NPHP4: variants seen among roughly 807,000 people sequenced by gnomAD.
NPHP4 encodes nephrocystin 4, also known as nephrocystin-4.
Under a neutral mutation model 155.8 loss-of-function variants are expected in NPHP4, and 151 were observed. The ratio of observed to expected loss-of-function variants is 0.97; its 90% CI spans 0.85 to 1.11. The LOEUF (loss-of-function observed/expected upper bound fraction) is 1.11, where lower values mean the gene tolerates loss of function less well. Ranked by LOEUF, NPHP4 falls within the 50% of genes least tolerant of loss-of-function variation. NPHP4 has a pLI of 0.00. For missense variants in NPHP4, 1,956 were observed against 1,925.7 expected (o/e 1.02, Z -0.29); for synonymous variants, 845 against 816.8 (o/e 1.03, Z -0.59).
intron 19 of NPHP4, among the ~76,000 whole-genome samples, chr1:5,878,119 C>T (rs1470892564): frequency 6.6e-6 from 1 of 152,204 alleles, no homozygotes; most frequent in East Asian, 1.9e-4. Flanking sequence ...GGCCTGGGTC[C>T]TTCCTCACTC....
intron 1 of NPHP4, among the ~76,000 whole-genome samples, chr1:5,991,812 G>T (rs559478258): frequency 1.3e-5 from 2 of 151,586 alleles, no homozygotes; most frequent in Admixed American, 1.3e-4. Flanking sequence ...GCGGCCAGGC[G>T]GGGTCCGCGG....
At chr1:5,934,145 T>C (rs1484113103) in intron 9 of NPHP4, among the ~76,000 whole-genome samples, 3 of 152,152 alleles carry the variant, frequency 2.0e-5, no homozygotes, top group Admixed American at 2.0e-4. Context: ...GCCACCTTGT[T>C]GAAGAGGACT....
chr1:5,945,184 G>A (rs1054495815), intron 9 of NPHP4, among the ~76,000 whole-genome samples: 2 of 152,206 alleles, frequency 1.3e-5, no homozygotes, highest in East Asian at 1.9e-4. Flanking sequence ...AGAGTGAGGC[G>A]CCAGCCCTCC....
At chr1:5,906,305 A>AC (rs1644911426) in intron 13 of NPHP4, among the ~76,000 whole-genome samples, 1 of 152,086 alleles carries the variant, frequency 6.6e-6, no homozygotes, top group East Asian at 1.9e-4. Flanking sequence ...CTCGTATTCC[A>AC]CCTCCACTCC....
rs1030614218 is a variant in NPHP4 at position 5,892,035 on chromosome 1, G to A, written c.2144-1007C>T. ...GGCGCTGGCCACAGCAGGAGCTCAC[G>A]GGGGCATCTTGGGGCAGAAAGGCAA... On this transcript the variant is annotated intron_variant, in intron 16 of 29. Transcript: ENST00000378156. The surrounding 1 kb of genome is among the most constrained non-coding windows in gnomAD (Gnocchi z 4.5). Among the ~76,000 whole-genome samples, 3 of 152,346 alleles carry A rather than the reference G, an allele frequency of 2.0e-5. No individual in the cohort carries two copies. Among genetic ancestry groups the A allele is most frequent in the African/African-American group, 4.8e-5 (2 of 41,584 alleles).
chr1:5,870,565 C>T (rs767248506), intron 23 of NPHP4, among the ~76,000 whole-genome samples: 11 of 152,164 alleles, frequency 7.2e-5, no homozygotes, highest in Non-Finnish European at 1.3e-4. Context: ...GGTATTTGAA[C>T]GGCCTCAGTA....
intron 16 of NPHP4, among the ~76,000 whole-genome samples, chr1:5,899,805 A>C (rs1394905508): frequency 1.3e-5 from 2 of 152,356 alleles, no homozygotes; most frequent in South Asian, 4.1e-4. Context: ...TACTGGTAAG[A>C]GAATAAAAAG....
chr1:5,967,302 C>T lies in NPHP4; in HGVS notation c.514G>A (p.Glu172Lys). Reference sequence around the variant, plus strand: ...CAAGGCCAGGTCTGGCTCTTACGCTCTGCGGGGTCCTGGAGAAGCGGGTGC... The same window carrying T: ...CAAGGCCAGGTCTGGCTCTTACGCTTTGCGGGGTCCTGGAGAAGCGGGTGC... ...LLHPLLQDPA[E>K]QNRHMTLIEN... is the part of the protein sequence containing the mutation. Residue 172 changes from glutamate (E) to lysine (K), a missense_variant, in exon 5 of 30, where the codon GAG becomes AAG. Glu to Lys is a moderately conservative substitution (Grantham distance 56). Coordinates refer to ENST00000378156, the MANE Select transcript of NPHP4 (RefSeq NM_015102.5). 1.2e-6 allele frequency: 2 copies of T among 1,602,140 alleles called. No individual in the cohort carries two copies. The highest frequency in any genetic ancestry group is 8.5e-7 in the Non-Finnish European group (1 of 1,174,918).
At chr1:5,895,813 G>C (rs1245997074) in intron 16 of NPHP4, among the ~76,000 whole-genome samples, 1 of 152,214 alleles carries the variant, frequency 6.6e-6, no homozygotes, top group African/African-American at 2.4e-5. Flanking sequence ...GCTGAATAAA[G>C]AGCAGCATAA....
chr1:5,968,245 A>T (rs1205258905), intron 4 of NPHP4, among the ~76,000 whole-genome samples: 1 of 152,016 alleles, frequency 6.6e-6, no homozygotes. Context: ...CCTCAAATCC[A>T]TCACTGGTGG....
chr1:5,975,778 G>A (rs1653444568), intron 3 of NPHP4, among the ~76,000 whole-genome samples: 2 of 152,224 alleles, frequency 1.3e-5, no homozygotes, highest in South Asian at 2.1e-4. Context: ...CCCAACTTCC[G>A]CCGCAACGGA....
intron 6 of NPHP4, among the ~76,000 whole-genome samples, chr1:5,954,430 A>T (rs2102024688): frequency 6.6e-6 from 1 of 152,366 alleles, no homozygotes; most frequent in East Asian, 1.9e-4. Context: ...GTGGATCTGC[A>T]GGCAGGAACT....
At chr1:5,938,519 C>G (rs1305127804) in intron 9 of NPHP4, among the ~76,000 whole-genome samples, 1 of 152,208 alleles carries the variant, frequency 6.6e-6, no homozygotes, top group East Asian at 1.9e-4. Context: ...ACGAGACGGA[C>G]AGCAAACCCG....
intron 22 of NPHP4, among the ~76,000 whole-genome samples, chr1:5,874,212 C>T (rs1210659271): frequency 9.0e-6 from 1 of 110,774 alleles, no homozygotes; most frequent in Non-Finnish European, 2.1e-5. Context: ...TTAAGAAGCC[C>T]TTCCAACCAA....
chr1:5,865,494 T>G, intron 26 of NPHP4: 1 of 466,850 alleles, frequency 2.1e-6, no homozygotes, highest in Non-Finnish European at 3.8e-6. Flanking sequence ...CACCCCTGGC[T>G]GCCCATCTCC....
chr1:5,910,152 A>C lies in NPHP4; in HGVS notation c.1442-939T>G, dbSNP rs913187076. Among the ~76,000 whole-genome samples the C allele has an allele frequency of 6.6e-6, 1 of 152,114 alleles. No homozygotes were observed. Among genetic ancestry groups the C allele is most frequent in the African/African-American group, 2.4e-5 (1 of 41,416 alleles). ...TTGCCCACCATGAAACCACCAAGCC[A>C]GACCCCAAGCCCATCCTGACGGGGC... On this transcript the variant is annotated intron_variant, in intron 11 of 29. Transcript: ENST00000378156. This position sits in a 1 kb window ranked among gnomAD's most constrained non-coding sequence, Gnocchi z 5.4.
Position 5,889,254 on chromosome 1 carries a change from T to C in NPHP4, c.2304+1614A>G, listed in dbSNP as rs1325259443. The stretch of plus-strand genomic sequence containing the variant: ...GCAAGAGCTCAAACAAGATGAAAGC[T>C]GGCCCCGCCTGCAGAAAGTAAGTCC... On this transcript the variant is annotated intron_variant, in intron 17 of 29. Coordinates refer to ENST00000378156, the MANE Select transcript of NPHP4 (RefSeq NM_015102.5). This position sits in a 1 kb window ranked among gnomAD's most constrained non-coding sequence, Gnocchi z 4.2. Among the ~76,000 whole-genome samples the C allele has an allele frequency of 1.3e-5, 2 of 152,182 alleles. No homozygotes were observed. Among genetic ancestry groups the C allele is most frequent in the African/African-American group, 2.4e-5 (1 of 41,444 alleles).
At chr1:5,881,807 C>A (rs1643310354) in intron 18 of NPHP4, 1 of 152,290 alleles carries the variant, frequency 6.6e-6, no homozygotes, top group African/African-American at 2.4e-5. Flanking sequence ...GGCTGGCCTT[C>A]CTGCCACCTC....
intron 10 of NPHP4, among the ~76,000 whole-genome samples, chr1:5,930,879 C>T (rs2101711109): frequency 6.6e-6 from 1 of 152,324 alleles, no homozygotes; most frequent in Middle Eastern, 3.4e-3. Flanking sequence ...AAGTCTCCAA[C>T]TCTAATTGTG....
Sources: allele counts gnomAD v4.1 joint callset (sites outside exome capture counted in the v4.1 genomes callset), GRCh38; gene constraint gnomAD v4.1.1; non-coding constraint Gnocchi (gnomAD v3.1); transcripts MANE v1.5; gene names NCBI Gene and HGNC (gene_info 2026-07-23, HGNC 2026-07-21).